The following NEGR1 variants were observed in gnomAD, a reference collection of about 807,000 sequenced individuals.
The protein encoded by NEGR1 is IgLON family member 4.
NEGR1 carries 10 observed loss-of-function variants against 40.9 expected under a neutral mutation model. The observed-to-expected ratio is 0.24, with a 90% CI of 0.15 to 0.42. The LOEUF is 0.42. Ranked by LOEUF, NEGR1 falls within the 10% of genes least tolerant of loss-of-function variation. The probability of loss-of-function intolerance (pLI) is 1.00; values close to 1 mark genes in which losing one functional copy is unlikely to be tolerated. For missense variants in NEGR1, 352 were observed against 438.9 expected (o/e 0.80, Z 1.77); for synonymous variants, 185 against 166.8 (o/e 1.11, Z -0.84).
chr1:71,639,933 A>T (rs1206745330), intron 4 of NEGR1, among the ~76,000 whole-genome samples: 1 of 152,058 alleles, frequency 6.6e-6, no homozygotes, highest in African/African-American at 2.4e-5. Context: ...CCCAAGGATA[A>T]TTGTTATACT....
At chr1:71,450,451 T>G (rs78499045) in intron 6 of NEGR1, among the ~76,000 whole-genome samples, 1 of 152,318 alleles carries the variant, frequency 6.6e-6, no homozygotes, top group Middle Eastern at 3.4e-3. Context: ...TAGAGGGACT[T>G]CTAATACATA....
intron 4 of NEGR1, among the ~76,000 whole-genome samples, chr1:71,662,585 A>G (rs1466499838): frequency 6.6e-6 from 1 of 152,108 alleles, no homozygotes; most frequent in Non-Finnish European, 1.5e-5. Flanking sequence ...GATGTATTGC[A>G]TAATTACCCT....
intron 1 of NEGR1, among the ~76,000 whole-genome samples, chr1:71,940,390 C>G (rs765114282): frequency 1.3e-5 from 2 of 152,136 alleles, no homozygotes; most frequent in Admixed American, 6.6e-5. Context: ...TCAGCATATG[C>G]TCTGTTGACA....
At chr1:71,756,011 C>T (rs1352394201) in intron 3 of NEGR1, among the ~76,000 whole-genome samples, 2 of 152,106 alleles carry the variant, frequency 1.3e-5, no homozygotes, top group African/African-American at 4.8e-5. Context: ...CTTTAAGCCT[C>T]AAATGTATTT....
intron 2 of NEGR1, among the ~76,000 whole-genome samples, chr1:71,833,130 G>A (rs752112347): frequency 1.1e-4 from 17 of 151,816 alleles, no homozygotes; most frequent in Non-Finnish European, 2.2e-4. Context: ...TTCAATATAG[G>A]CTACTTTTTT....
chr1:71,744,757 T>C (rs1655329701), intron 3 of NEGR1, among the ~76,000 whole-genome samples: 1 of 152,188 alleles, frequency 6.6e-6, no homozygotes, highest in African/African-American at 2.4e-5. Flanking sequence ...AGAAAAAATT[T>C]CATCAATGCC....
chr1:71,862,668 C>A (rs1007942069), intron 2 of NEGR1, among the ~76,000 whole-genome samples: 1 of 151,954 alleles, frequency 6.6e-6, no homozygotes, highest in Non-Finnish European at 1.5e-5. Flanking sequence ...TTTTCTAGTG[C>A]AATGCTGGGT....
intron 6 of NEGR1, among the ~76,000 whole-genome samples, chr1:71,581,729 G>T (rs1038380995): frequency 1.3e-5 from 2 of 149,878 alleles, no homozygotes; most frequent in Non-Finnish European, 3.0e-5. Context: ...TTGAGACCGG[G>T]TCTCACTCTG....
At chr1:71,487,336 A>G (rs919313073) in intron 6 of NEGR1, among the ~76,000 whole-genome samples, 3 of 151,670 alleles carry the variant, frequency 2.0e-5, no homozygotes, top group African/African-American at 7.3e-5. Context: ...GCTGTCTCCC[A>G]GGCAGATGAT....
intron 3 of NEGR1, among the ~76,000 whole-genome samples, chr1:71,774,835 A>T (rs1430651453): frequency 6.6e-6 from 1 of 152,186 alleles, no homozygotes; most frequent in Admixed American, 6.5e-5. Context: ...TTCTGTTAGC[A>T]TTGTGACTTT....
chr1:71,743,585 C>T (rs1486405502), intron 3 of NEGR1, among the ~76,000 whole-genome samples: 1 of 151,914 alleles, frequency 6.6e-6, no homozygotes, highest in Non-Finnish European at 1.5e-5. Flanking sequence ...AAAATGGAAC[C>T]TTATTTATAG....
intron 1 of NEGR1, among the ~76,000 whole-genome samples, chr1:72,253,770 C>A (rs1174026877): frequency 6.6e-6 from 1 of 151,848 alleles, no homozygotes. Context: ...ATTTGAATTA[C>A]AAGATATTAG....
At chr1:72,015,318 C>T (rs767928169) in intron 1 of NEGR1, among the ~76,000 whole-genome samples, 30 of 151,674 alleles carry the variant, frequency 2.0e-4, no homozygotes, top group Non-Finnish European at 3.4e-4. Flanking sequence ...AAAGTATTAG[C>T]GTGGCACTTC....
At chr1:71,644,557 G>A (rs1651469199) in intron 4 of NEGR1, among the ~76,000 whole-genome samples, 1 of 151,916 alleles carries the variant, frequency 6.6e-6, no homozygotes, top group Admixed American at 6.6e-5. Flanking sequence ...TCTCAAGACT[G>A]TGAGACAATG....
intron 1 of NEGR1, among the ~76,000 whole-genome samples, chr1:72,036,095 T>A (rs538249600): frequency 2.6e-5 from 4 of 152,334 alleles, no homozygotes; most frequent in Admixed American, 6.5e-5. Flanking sequence ...TTCTTTCAAA[T>A]ACCATGCCTA....
chr1:71,750,914 G>GA (rs1220777274), intron 3 of NEGR1, among the ~76,000 whole-genome samples: 2 of 151,936 alleles, frequency 1.3e-5, no homozygotes, highest in Non-Finnish European at 1.5e-5. Context: ...AATATAATGG[G>GA]AAAAAATGTT....
intron 1 of NEGR1, among the ~76,000 whole-genome samples, chr1:72,214,806 G>A (rs975328092): frequency 1.3e-5 from 2 of 151,224 alleles, no homozygotes; most frequent in African/African-American, 4.9e-5. Flanking sequence ...TAGATTCAAT[G>A]CTATTCCCAT....
At chr1:72,161,960 G>A (rs1416277842) in intron 1 of NEGR1, among the ~76,000 whole-genome samples, 3 of 151,638 alleles carry the variant, frequency 2.0e-5, no homozygotes, top group African/African-American at 7.3e-5. Flanking sequence ...CCAAAGTGCT[G>A]GGATTACAGG....
chr1:71,786,115 A>G (rs969377144), intron 2 of NEGR1, among the ~76,000 whole-genome samples: 18 of 152,176 alleles, frequency 1.2e-4, no homozygotes, highest in African/African-American at 4.3e-4. Flanking sequence ...GTAGACAAAT[A>G]CATAAACATT....
Sources: allele counts gnomAD v4.1 joint callset (sites outside exome capture counted in the v4.1 genomes callset), GRCh38; gene constraint gnomAD v4.1.1; transcripts MANE v1.5; gene names NCBI Gene and HGNC (gene_info 2026-07-23, HGNC 2026-07-21).